The following GPC3 variants were observed in gnomAD, a reference collection of about 807,000 sequenced individuals.
GPC3 encodes the protein glypican-3.
GPC3 carries 3 observed loss-of-function variants against 34.4 expected under a neutral mutation model. The observed-to-expected ratio is 0.09, with a 90% CI of 0.04 to 0.23. GPC3 has a LOEUF of 0.23. Ranked by LOEUF, GPC3 falls within the 10% of genes least tolerant of loss-of-function variation. The pLI, the probability that GPC3 is intolerant of heterozygous loss-of-function variation, is 1.00. For missense variants in GPC3, 351 were observed against 445.6 expected, an observed-to-expected ratio of 0.79 and a Z score of 1.91; for synonymous variants, 177 against 174.0, an observed-to-expected ratio of 1.02 and a Z score of -0.13.
At chrX:133,704,167 G>A (rs1174828086) in intron 3 of GPC3, 1 of 857,002 alleles carries the variant, frequency 1.2e-6, no homozygotes, top group Admixed American at 3.9e-5. Context: ...ACCCACAGCA[G>A]GACTTCACTG....
intron 2 of GPC3, among the ~76,000 whole-genome samples, chrX:133,780,916 C>T (rs1383300082): frequency 9.0e-6 from 1 of 111,725 alleles, no homozygotes; most frequent in African/African-American, 3.3e-5. Flanking sequence ...AGCAACTCAT[C>T]AGAGACCTTT....
At chrX:133,572,301 G>T (rs1318011126) in intron 7 of GPC3, among the ~76,000 whole-genome samples, 1 of 111,836 alleles carries the variant, frequency 8.9e-6, no homozygotes, top group Non-Finnish European at 1.9e-5. Context: ...AAGTGAAAAT[G>T]AACATACAAC....
chrX:133,833,095 C>G (rs1323169391), intron 2 of GPC3, among the ~76,000 whole-genome samples: 2 of 112,152 alleles, frequency 1.8e-5, no homozygotes, highest in African/African-American at 6.5e-5. Context: ...TCTAATTTTA[C>G]TTTTAGAAGA....
chrX:133,897,032 A>G (rs907515667), intron 2 of GPC3, among the ~76,000 whole-genome samples: 19 of 104,821 alleles, frequency 1.8e-4, no homozygotes, highest in East Asian at 3.0e-4. Flanking sequence ...TCAGCCTCCC[A>G]AGTAGCTGGG....
At chrX:133,869,811 C>G (rs184816855) in intron 2 of GPC3, among the ~76,000 whole-genome samples, 4 of 111,135 alleles carry the variant, frequency 3.6e-5, no homozygotes, top group Non-Finnish European at 7.5e-5. Context: ...AAAAATTAGC[C>G]GGGCGCGGTG....
At chrX:133,905,043 A>G (rs911103298) in intron 2 of GPC3, among the ~76,000 whole-genome samples, 4 of 111,955 alleles carry the variant, frequency 3.6e-5, no homozygotes, top group African/African-American at 1.3e-4. Context: ...CTCTTTTCAA[A>G]GTAAGTCTCC....
At chrX:133,589,220 C>T (rs980751825) in intron 7 of GPC3, among the ~76,000 whole-genome samples, 1 of 111,367 alleles carries the variant, frequency 9.0e-6, no homozygotes, top group Non-Finnish European at 1.9e-5. Context: ...GCTGTATCCC[C>T]ACCCAAATCT....
At chrX:133,863,985 C>T (rs777298826) in intron 2 of GPC3, among the ~76,000 whole-genome samples, 8 of 111,796 alleles carry the variant, frequency 7.2e-5, no homozygotes, top group East Asian at 2.8e-4. Flanking sequence ...TAACACACTA[C>T]GCCTTTTTGA....
At chrX:133,819,314 G>C (rs1276693837) in intron 2 of GPC3, among the ~76,000 whole-genome samples, 1 of 107,101 alleles carries the variant, frequency 9.3e-6, no homozygotes, top group Non-Finnish European at 1.9e-5. Flanking sequence ...CATTCTACTT[G>C]CATACTTCCT....
At chrX:133,740,873 T>TTGTG (rs2071558346) in intron 3 of GPC3, among the ~76,000 whole-genome samples, 1 of 111,491 alleles carries the variant, frequency 9.0e-6, no homozygotes, top group Admixed American at 9.6e-5. Flanking sequence ...TTTTGTTTGT[T>TTGTG]TGTTTGTTTG....
intron 7 of GPC3, among the ~76,000 whole-genome samples, chrX:133,572,800 A>G (rs1425054854): frequency 8.9e-6 from 1 of 111,999 alleles, no homozygotes; most frequent in Non-Finnish European, 1.9e-5. Context: ...TACAAAGCCC[A>G]GGCCCAGATG....
Position 133,584,379 on chromosome X carries a change from T to C in GPC3, c.1573+12061A>G, listed in dbSNP as rs183004761. ...AGTTCACTGTTATTTGGAGAACGAC[T>C]CTTCTCTGAAGCTCATCCTGAATGT... On this transcript the variant is annotated intron_variant, in intron 7 of 7. Coordinates refer to ENST00000370818, the MANE Select transcript of GPC3 (RefSeq NM_004484.4). Among the ~76,000 whole-genome samples, 339 of 112,242 alleles carry C rather than the reference T, an allele frequency of 3.0e-3. 1 individual carries two copies. Among genetic ancestry groups the C allele is most frequent in the Non-Finnish European group, 5.6e-3 (297 of 53,246 alleles).
At chrX:133,763,418 A>G (rs1167780889) in intron 2 of GPC3, 3 of 537,611 alleles carry the variant, frequency 5.6e-6, no homozygotes, top group Non-Finnish European at 1.0e-5. Context: ...AGAGATCCTG[A>G]AGAGACTGAA....
chrX:133,893,834 T>C, intron 2 of GPC3, among the ~76,000 whole-genome samples: 2 of 111,512 alleles, frequency 1.8e-5, no homozygotes, highest in East Asian at 5.6e-4. Context: ...GGTTTTTTGT[T>C]TGTTTTTTGT....
intron 1 of GPC3, among the ~76,000 whole-genome samples, chrX:133,954,038 A>G (rs1195794396): frequency 8.9e-6 from 1 of 112,392 alleles, no homozygotes; most frequent in Admixed American, 9.4e-5. Context: ...ACTCAAAAAC[A>G]TTATGCTATG....
At chrX:133,766,053 C>A (rs1435360695) in intron 2 of GPC3, among the ~76,000 whole-genome samples, 1 of 111,631 alleles carries the variant, frequency 9.0e-6, no homozygotes, top group Non-Finnish European at 1.9e-5. Flanking sequence ...CTGAGATAAG[C>A]AATCCCAAGC....
At chrX:133,941,442 A>G (rs910264804) in intron 2 of GPC3, among the ~76,000 whole-genome samples, 2 of 112,838 alleles carry the variant, frequency 1.8e-5, no homozygotes, top group African/African-American at 6.4e-5. Flanking sequence ...GTACAGACTG[A>G]TAAGTGCCAA....
chrX:133,697,244 T>C (rs776396891), intron 4 of GPC3, among the ~76,000 whole-genome samples: 6 of 112,417 alleles, frequency 5.3e-5, no homozygotes, highest in African/African-American at 1.6e-4. Flanking sequence ...GCTTATTATT[T>C]TTAAAAGTTG....
intron 6 of GPC3, among the ~76,000 whole-genome samples, chrX:133,607,453 G>C (rs2070063364): frequency 9.0e-6 from 1 of 110,828 alleles, no homozygotes; most frequent in Non-Finnish European, 1.9e-5. Context: ...TTTTAATAGA[G>C]ATGGGGGTCT....
Sources: gnomAD v4.1 joint callset for allele counts (sites outside exome capture counted in the v4.1 genomes callset) on GRCh38, gnomAD v4.1.1 for gene constraint, MANE v1.5 for transcripts, NCBI Gene and HGNC (gene_info 2026-07-23, HGNC 2026-07-21) for gene names.